Variants in KLRD1 observed in about 807,000 individuals in gnomAD.
KLRD1 encodes the protein natural killer cells antigen CD94.
In KLRD1, 21 loss-of-function variants were observed where a neutral mutation model predicts 22.6. The observed-to-expected ratio is 0.93, with a 90% CI of 0.66 to 1.34. The LOEUF (loss-of-function observed/expected upper bound fraction) is 1.34, where lower values mean the gene tolerates loss of function less well. Ranked by LOEUF, KLRD1 falls within the 40% of genes most tolerant of loss-of-function variation. The pLI, the probability that KLRD1 is intolerant of heterozygous loss-of-function variation, is 0.00. For synonymous variants in KLRD1, 59 were observed against 71.1 expected (o/e 0.83, Z 0.85); for missense variants, 183 against 208.6 (o/e 0.88, Z 0.76).
chr12:10,261,592 A>G (rs1408270513), intron 1 of KLRD1, among the ~76,000 whole-genome samples: 1 of 152,138 alleles, frequency 6.6e-6, no homozygotes, highest in Non-Finnish European at 1.5e-5. Context: ...AGCAGCTCTG[A>G]CTATTTACAA....
chr12:10,300,658 C>G (rs181013788), upstream of KLRD1, among the ~76,000 whole-genome samples: 7 of 152,318 alleles, frequency 4.6e-5, no homozygotes, highest in Admixed American at 1.3e-4. Context: ...TGAAGAGAGA[C>G]AGCCTCTCCT....
At chr12:10,239,560 T>C (rs1326052053) in intron 1 of KLRD1, among the ~76,000 whole-genome samples, 3 of 123,438 alleles carry the variant, frequency 2.4e-5, no homozygotes, top group African/African-American at 4.4e-5. Context: ...TCTTTCTTTC[T>C]TTCTTTCTTT....
At chr12:10,309,971 A>G (rs1459952394) in intron 3 of KLRD1, among the ~76,000 whole-genome samples, 1 of 152,240 alleles carries the variant, frequency 6.6e-6, no homozygotes, top group East Asian at 1.9e-4. Flanking sequence ...AAAATAAACC[A>G]CAGGAAATGT....
chr12:10,254,304 T>C (rs1949372368), intron 1 of KLRD1, among the ~76,000 whole-genome samples: 1 of 150,562 alleles, frequency 6.6e-6, no homozygotes, highest in Admixed American at 6.6e-5. Flanking sequence ...GGAGGGCGCC[T>C]GTAGTCCCAG....
At chr12:10,268,121 G>A (rs1949516276) in intron 1 of KLRD1, among the ~76,000 whole-genome samples, 1 of 152,224 alleles carries the variant, frequency 6.6e-6, no homozygotes, top group African/African-American at 2.4e-5. Context: ...GGTAGGCATA[G>A]TAATATCACT....
intron 1 of KLRD1, among the ~76,000 whole-genome samples, chr12:10,280,726 A>T (rs749992666): frequency 8.5e-5 from 13 of 152,178 alleles, no homozygotes; most frequent in Non-Finnish European, 1.5e-4. Context: ...ACTGTGTGAT[A>T]CAGTTGTCAG....
At chr12:10,264,018 G>A (rs1436419490) in intron 1 of KLRD1, among the ~76,000 whole-genome samples, 1 of 151,958 alleles carries the variant, frequency 6.6e-6, no homozygotes, top group Non-Finnish European at 1.5e-5. Context: ...TTTTCAAAAT[G>A]AACTAATGAG....
chr12:10,311,670 C>T (rs1950074957), intron 4 of KLRD1, 55 bp downstream of exon 4: 1 of 1,552,018 alleles, frequency 6.4e-7, no homozygotes, highest in Admixed American at 1.7e-5. Flanking sequence ...AATATACTAT[C>T]TAAACAAGTT....
chr12:10,291,417 A>T (rs1338830502), intron 1 of KLRD1, among the ~76,000 whole-genome samples: 2 of 152,174 alleles, frequency 1.3e-5, no homozygotes, highest in Non-Finnish European at 2.9e-5. Flanking sequence ...ATTGGAATCA[A>T]TCCTTTCAGA....
intron 1 of KLRD1, among the ~76,000 whole-genome samples, chr12:10,242,071 G>GTTTTTTTTTTTTTTTTTTTTTTTTTTT (rs72326980): frequency 2.0e-5 from 2 of 99,392 alleles, no homozygotes; most frequent in Non-Finnish European, 1.9e-5. Context: ...TGTTCTTGCT[G>GTTTTTTTTTTTTTTTTTTTTTTTTTTT]TTTTTTTTTT....
chr12:10,308,638 G>GT (rs1376480838), intron 1 of KLRD1: 1 of 155,324 alleles, frequency 6.4e-6, no homozygotes, highest in Non-Finnish European at 1.4e-5. Flanking sequence ...AAAAAGGATT[G>GT]TTTATGTATG....
Position 10,324,403 on chromosome 12 carries a change from A to G in KLRD1, c.*9610A>G, listed in dbSNP as rs34498957. ...CTCATCCTTCTCCCTCTCCCCCCCA[A>G]GTAGGCCCCAGTGTCTATTGTTTCC... On this transcript the variant is annotated 3_prime_UTR_variant, in exon 6 of 6. Transcript: ENST00000336164. The G allele has an allele frequency of 2.0e-5, 3 of 151,494 alleles. No individual in the cohort carries two copies. The highest frequency in any genetic ancestry group is 2.1e-4 in the South Asian group (1 of 4,778). 9.4% of individuals were successfully genotyped at this position (151,494 alleles called of 1,614,324 possible).
At position 10,286,904 on chromosome 12, in the gene KLRD1, G is replaced by A. The variant is rs917677189; in HGVS notation, c.-100-21074G>A. Reference sequence around the variant, plus strand: ...CTGTAATCCCAGCACTCTGGGAGGCGAGGCAGGGGGATCACCTGAGGTCAT... The same window carrying A: ...CTGTAATCCCAGCACTCTGGGAGGCAAGGCAGGGGGATCACCTGAGGTCAT... On this transcript the variant is annotated intron_variant, in intron 1 of 5. Coordinates refer to the KLRD1 transcript ENST00000544747. 4.6e-5 allele frequency among the ~76,000 whole-genome samples: 7 copies of A among 152,080 alleles called. No homozygotes were observed. In the East Asian group the frequency reaches 1.2e-3, roughly 25 times the overall value.
Position 10,314,822 on chromosome 12 carries a change from G to A in KLRD1, c.*29G>A, listed in dbSNP as rs1950185613. The A allele has an allele frequency of 3.8e-6, 6 of 1,587,196 alleles. No homozygotes were observed. In the East Asian group the frequency reaches 1.1e-4, roughly 30 times the overall value. On this transcript the variant is annotated 3_prime_UTR_variant, in exon 6 of 6. Coordinates refer to ENST00000336164, the MANE Select transcript of KLRD1 (RefSeq NM_002262.5). Reference sequence around the variant, plus strand: ...TTTCTTGGGGCAGAGAAGGTGGAGAGTAAAGACCCAACATTACTAACAATG... The same window carrying A: ...TTTCTTGGGGCAGAGAAGGTGGAGAATAAAGACCCAACATTACTAACAATG...
At chr12:10,257,482 C>CTT (rs56871156) in intron 1 of KLRD1, among the ~76,000 whole-genome samples, 70 of 97,360 alleles carry the variant, frequency 7.2e-4, no homozygotes, top group African/African-American at 2.9e-3. Flanking sequence ...GTAGCTGATT[C>CTT]TTTTTTTTTT....
intron 1 of KLRD1, 95 bp downstream of exon 1, chr12:10,308,179 T>C: frequency 2.0e-6 from 2 of 997,326 alleles, no homozygotes; most frequent in Non-Finnish European, 3.2e-6. Flanking sequence ...GAAAAGGACA[T>C]GATTAACAGT....
intron 1 of KLRD1, among the ~76,000 whole-genome samples, chr12:10,269,383 T>C (rs939746759): frequency 2.0e-5 from 3 of 152,200 alleles, no homozygotes; most frequent in African/African-American, 7.2e-5. Flanking sequence ...ACTCCTGACC[T>C]CAGATGATCT....
At chr12:10,294,508 C>T (rs931963093) in intron 1 of KLRD1, among the ~76,000 whole-genome samples, 12 of 152,074 alleles carry the variant, frequency 7.9e-5, no homozygotes, top group Non-Finnish European at 1.5e-4. Context: ...AAGCAATTCT[C>T]CTGCCTCAGC....
upstream of KLRD1, among the ~76,000 whole-genome samples, chr12:10,304,232 G>T (rs891573468): frequency 6.6e-6 from 1 of 152,054 alleles, no homozygotes; most frequent in African/African-American, 2.4e-5. Context: ...ACACACTCTG[G>T]CCCAGACAAA....
Sources: gnomAD v4.1 joint callset for allele counts (sites outside exome capture counted in the v4.1 genomes callset) on GRCh38, gnomAD v4.1.1 for gene constraint, MANE v1.5 for transcripts, NCBI Gene and HGNC (gene_info 2026-07-23, HGNC 2026-07-21) for gene names.